Variants in SNTG1 observed in about 807,000 individuals in gnomAD.
SNTG1 encodes syntrophin gamma 1, also known as gamma-1-syntrophin.
A neutral mutation model predicts 74.7 loss-of-function variants in SNTG1; 39 were observed. That is an observed-to-expected ratio of 0.52 (90% CI 0.40 to 0.68). SNTG1 has a LOEUF of 0.68. SNTG1 is among the 30% of genes least tolerant of loss of function. The pLI is 0.00. For missense variants in SNTG1, 685 were observed against 609.5 expected, an observed-to-expected ratio of 1.12 and a Z score of -1.30; for synonymous variants, 254 against 217.1, an observed-to-expected ratio of 1.17 and a Z score of -1.49.
In SNTG1 at chr8:50,536,808, G is replaced by A. The variant is rs762384621; in HGVS notation, c.680G>A (p.Arg227Gln). 2 of 1,613,554 alleles carry A rather than the reference G, an allele frequency of 1.2e-6. No homozygotes were observed. The highest frequency in any genetic ancestry group is 1.3e-5 in the African/African-American group (1 of 74,904). The change falls in exon 11 of 19, where the codon CGG becomes CAG. Residue 227 changes from arginine to glutamine, a missense_variant and splice_region_variant. Arg to Gln is a conservative substitution (Grantham distance 43). Transcript: ENST00000642720. ...SQYVPGTDLSRQNAFQVIAVD... is the reference protein window; with the variant it reads ...SQYVPGTDLSQQNAFQVIAVD... ...TATGTGCCCGGCACAGATTTGAGTC[G>A]GTGAGTCCGTGTTTAGGAGTTATGA...
At chr8:50,543,559 A>G (rs1319164093) in intron 11 of SNTG1, among the ~76,000 whole-genome samples, 3 of 152,026 alleles carry the variant, frequency 2.0e-5, no homozygotes, top group Admixed American at 2.0e-4. Flanking sequence ...GTGATATCCT[A>G]TGGTATAGAT....
chr8:50,242,986 TTGTC>T (rs1397440066), intron 2 of SNTG1, among the ~76,000 whole-genome samples: 5 of 152,078 alleles, frequency 3.3e-5, no homozygotes, highest in Admixed American at 6.6e-5. Context: ...ATCTATGAGT[TTGTC>T]TGTTATTTCT....
chr8:50,769,218 T>G (rs1201407725), intron 18 of SNTG1, among the ~76,000 whole-genome samples: 2 of 151,968 alleles, frequency 1.3e-5, no homozygotes, highest in Non-Finnish European at 2.9e-5. Flanking sequence ...TAACATCTTA[T>G]AGATAAAACA....
intron 1 of SNTG1, among the ~76,000 whole-genome samples, chr8:50,152,444 G>A (rs2082102165): frequency 1.3e-5 from 2 of 152,266 alleles, no homozygotes; most frequent in Admixed American, 1.3e-4. Context: ...ATTTGATCCT[G>A]TCATTATATG....
chr8:50,035,559 C>T (rs1375696955), intron 1 of SNTG1, among the ~76,000 whole-genome samples: 1 of 152,148 alleles, frequency 6.6e-6, no homozygotes, highest in East Asian at 1.9e-4. Flanking sequence ...AACTTCTCAC[C>T]TTAGTGTGAA....
At chr8:50,355,402 TC>T (rs1451697938) in intron 2 of SNTG1, among the ~76,000 whole-genome samples, 4 of 152,148 alleles carry the variant, frequency 2.6e-5, no homozygotes, top group African/African-American at 9.7e-5. Flanking sequence ...TTGTAAGATC[TC>T]CTAATGTTCT....
At chr8:49,982,436 T>A (rs1812766013) in intron 1 of SNTG1, among the ~76,000 whole-genome samples, 1 of 152,082 alleles carries the variant, frequency 6.6e-6, no homozygotes, top group African/African-American at 2.4e-5. Context: ...TAATTTTGAA[T>A]CTTTTCTAAT....
At chr8:50,723,107 G>T (rs1325880253) in intron 17 of SNTG1, among the ~76,000 whole-genome samples, 1 of 152,054 alleles carries the variant, frequency 6.6e-6, no homozygotes, top group South Asian at 2.1e-4. Flanking sequence ...CTCACCAAAC[G>T]TACGTGACCA....
At chr8:50,549,740 T>C (rs2094412800) in intron 11 of SNTG1, among the ~76,000 whole-genome samples, 1 of 152,188 alleles carries the variant, frequency 6.6e-6, no homozygotes, top group African/African-American at 2.4e-5. Context: ...ACTATGTTTT[T>C]CATGCCTTGG....
chr8:50,253,116 C>T (rs894791601), intron 2 of SNTG1, among the ~76,000 whole-genome samples: 1 of 152,010 alleles, frequency 6.6e-6, no homozygotes, highest in Non-Finnish European at 1.5e-5. Context: ...AAAAGCAGCA[C>T]GGAGATTACT....
intron 1 of SNTG1, among the ~76,000 whole-genome samples, chr8:50,101,243 C>T (rs995225617): frequency 3.9e-5 from 6 of 152,044 alleles, no homozygotes; most frequent in African/African-American, 1.4e-4. Flanking sequence ...AATGAACATA[C>T]ACATGCGTCT....
At chr8:50,405,033 C>T (rs1303910061) in intron 4 of SNTG1, among the ~76,000 whole-genome samples, 1 of 152,014 alleles carries the variant, frequency 6.6e-6, no homozygotes, top group Non-Finnish European at 1.5e-5. Context: ...TTTATACCAC[C>T]TTTTGTTTAT....
At chr8:50,322,542 T>A (rs1228874900) in intron 2 of SNTG1, among the ~76,000 whole-genome samples, 1 of 152,184 alleles carries the variant, frequency 6.6e-6, no homozygotes, top group African/African-American at 2.4e-5. Flanking sequence ...TGGTGTTCTA[T>A]AATCTTCTTG....
At chr8:50,001,348 G>C (rs1409867059) in intron 1 of SNTG1, among the ~76,000 whole-genome samples, 1 of 152,090 alleles carries the variant, frequency 6.6e-6, no homozygotes, top group Non-Finnish European at 1.5e-5. Context: ...GGGCAGCCTT[G>C]AGTTTTCTCA....
At chr8:50,014,670 T>A (rs1816143671) in intron 1 of SNTG1, among the ~76,000 whole-genome samples, 1 of 152,234 alleles carries the variant, frequency 6.6e-6, no homozygotes, top group East Asian at 1.9e-4. Flanking sequence ...CGGCAAAGGA[T>A]AGAGGATCTA....
intron 15 of SNTG1, among the ~76,000 whole-genome samples, chr8:50,665,260 T>A (rs539402483): frequency 6.6e-6 from 1 of 152,144 alleles, no homozygotes; most frequent in African/African-American, 2.4e-5. Context: ...TAAGTAGATA[T>A]GTTATGCGGA....
At chr8:50,633,917 G>T (rs981081810) in intron 13 of SNTG1, among the ~76,000 whole-genome samples, 1 of 152,194 alleles carries the variant, frequency 6.6e-6, no homozygotes, top group African/African-American at 2.4e-5. Context: ...GTATGCAGTA[G>T]AAATTGTTGC....
chr8:49,962,744 G>A, intron 1 of SNTG1, among the ~76,000 whole-genome samples: 1 of 152,126 alleles, frequency 6.6e-6, no homozygotes, highest in East Asian at 1.9e-4. Context: ...ACAGGTGCAT[G>A]CCCCACGCCC....
intron 15 of SNTG1, among the ~76,000 whole-genome samples, chr8:50,698,054 C>T (rs903861318): frequency 6.6e-6 from 1 of 152,132 alleles, no homozygotes; most frequent in African/African-American, 2.4e-5. Context: ...GTGGATCCAT[C>T]TGTTCCTGGG....
Sources: gnomAD v4.1 joint callset for allele counts (sites outside exome capture counted in the v4.1 genomes callset) on GRCh38, gnomAD v4.1.1 for gene constraint, MANE v1.5 for transcripts, NCBI Gene and HGNC (gene_info 2026-07-23, HGNC 2026-07-21) for gene names.